The following GNB4 variants were observed in gnomAD, a reference collection of about 807,000 sequenced individuals.
The protein encoded by GNB4 is guanine nucleotide-binding protein subunit beta-4.
GNB4 carries 28 observed loss-of-function variants against 45.2 expected under a neutral mutation model. The ratio of observed to expected loss-of-function variants is 0.62; its 90% CI spans 0.46 to 0.85. GNB4 has a LOEUF of 0.85. Among genes scored for constraint, GNB4 ranks in the 40% least tolerant of loss-of-function variants. The pLI is 0.00. For synonymous variants in GNB4, 132 were observed against 143.7 expected (o/e 0.92, Z 0.58); for missense variants, 321 against 425.4 (o/e 0.75, Z 2.16).
At chr3:179,443,967 G>C (rs1490911089) in intron 1 of GNB4, among the ~76,000 whole-genome samples, 3 of 152,114 alleles carry the variant, frequency 2.0e-5, no homozygotes, top group Non-Finnish European at 4.4e-5. Context: ...TTCTACTGCT[G>C]ATTTTCCTAT....
chr3:179,520,806 C>A, the GNB4 span, among the ~76,000 whole-genome samples: 61 of 152,286 alleles, frequency 4.0e-4, no homozygotes, highest in Admixed American at 3.3e-3. Context: ...AAATTTCCTT[C>A]TTTCCTGTTC....
At chr3:179,426,585 T>A (rs932473363) in intron 1 of GNB4, among the ~76,000 whole-genome samples, 1 of 152,056 alleles carries the variant, frequency 6.6e-6, no homozygotes, top group African/African-American at 2.4e-5. Flanking sequence ...GATTGGCACC[T>A]AACACAGTAC....
At chr3:179,512,802 C>T in the GNB4 span, among the ~76,000 whole-genome samples, 821 of 152,124 alleles carry the variant, frequency 5.4e-3, 10 homozygotes, top group African/African-American at 0.019. Flanking sequence ...TGCATGTGTG[C>T]GTGCATGTAC....
At chr3:179,426,613 C>T (rs1447057952) in intron 1 of GNB4, among the ~76,000 whole-genome samples, 1 of 152,034 alleles carries the variant, frequency 6.6e-6, no homozygotes, top group African/African-American at 2.4e-5. Flanking sequence ...CTGAACCCCA[C>T]CCCACCCCCA....
the GNB4 span, among the ~76,000 whole-genome samples, chr3:179,513,142 A>AT: frequency 1.3e-5 from 2 of 149,766 alleles, no homozygotes; most frequent in Admixed American, 6.7e-5. Flanking sequence ...TATACTTAAA[A>AT]TTTTTTCAAT....
At chr3:179,418,694 G>C (rs1349737320) in intron 4 of GNB4, among the ~76,000 whole-genome samples, 1 of 152,126 alleles carries the variant, frequency 6.6e-6, no homozygotes, top group Admixed American at 6.5e-5. Flanking sequence ...TTAAAACATA[G>C]AAGTTTCTTG....
the GNB4 span, among the ~76,000 whole-genome samples, chr3:179,512,194 G>GAGGTTGCTGTTCTATC: frequency 6.6e-6 from 1 of 152,178 alleles, no homozygotes; most frequent in Non-Finnish European, 1.5e-5. Flanking sequence ...ACATCAAAGT[G>GAGGTTGCTGTTCTATC]AGGTTGCTGT....
chr3:179,409,899 C>G (rs1043151096), intron 8 of GNB4, among the ~76,000 whole-genome samples: 1 of 152,090 alleles, frequency 6.6e-6, no homozygotes, highest in Non-Finnish European at 1.5e-5. Flanking sequence ...GTTTCCCCAC[C>G]CAAATCTCAT....
chr3:179,407,107 A>G (rs543114578), intron 8 of GNB4, among the ~76,000 whole-genome samples: 1 of 152,326 alleles, frequency 6.6e-6, no homozygotes, highest in Non-Finnish European at 1.5e-5. Flanking sequence ...AAAATATATA[A>G]AACATGGTTC....
upstream of GNB4, among the ~76,000 whole-genome samples, chr3:179,455,553 G>T (rs958508598): frequency 6.6e-6 from 1 of 152,096 alleles, no homozygotes; most frequent in African/African-American, 2.4e-5. Flanking sequence ...AATCAATCGT[G>T]GACTCTTGCC....
At chr3:179,481,275 A>C in the GNB4 span, among the ~76,000 whole-genome samples, 1 of 152,312 alleles carries the variant, frequency 6.6e-6, no homozygotes, top group Middle Eastern at 3.4e-3. Context: ...AGTTTTTCAA[A>C]GACAGCCAAA....
At chr3:179,401,849 T>C (rs573015047) in intron 9 of GNB4, among the ~76,000 whole-genome samples, 1 of 152,354 alleles carries the variant, frequency 6.6e-6, no homozygotes, top group African/African-American at 2.4e-5. Flanking sequence ...TGGAATGTTA[T>C]TGGTTATAAC....
the GNB4 span, among the ~76,000 whole-genome samples, chr3:179,459,704 A>G: frequency 2.7e-4 from 41 of 152,000 alleles, no homozygotes; most frequent in African/African-American, 6.8e-4. Flanking sequence ...GAAAAAAAAA[A>G]GCAAGAAAAA....
At chr3:179,418,418 C>T (rs544462602) in intron 4 of GNB4, among the ~76,000 whole-genome samples, 11 of 139,502 alleles carry the variant, frequency 7.9e-5, no homozygotes, top group Admixed American at 4.9e-4. Context: ...TGCAGTGAGC[C>T]GATACCACAC....
chr3:179,479,272 T>G, the GNB4 span, among the ~76,000 whole-genome samples: 169 of 152,320 alleles, frequency 1.1e-3, no homozygotes, highest in African/African-American at 3.6e-3. Context: ...CTCTAACAAG[T>G]GATTCTATAC....
chr3:179,502,503 G>T, the GNB4 span, among the ~76,000 whole-genome samples: 1 of 152,030 alleles, frequency 6.6e-6, no homozygotes, highest in Admixed American at 6.5e-5. Flanking sequence ...AAAGTGTTGG[G>T]ATTACAGGCA....
intron 1 of GNB4, among the ~76,000 whole-genome samples, chr3:179,429,757 G>C (rs1166870619): frequency 1.3e-5 from 2 of 152,158 alleles, no homozygotes; most frequent in East Asian, 3.9e-4. Flanking sequence ...GTCAAACAAT[G>C]GGGCATATCA....
At position 179,416,502 on chromosome 3, in the gene GNB4, T is replaced by C; in HGVS notation, c.258A>G (p.Thr86=). The C allele has an allele frequency of 6.4e-7, 1 of 1,569,676 alleles. No individual in the cohort carries two copies. The highest frequency in any genetic ancestry group is 8.7e-7 in the Non-Finnish European group (1 of 1,145,682). The change falls in exon 5 of 10, where the codon ACA becomes ACG. Residue 86 remains threonine, a synonymous_variant. Coordinates refer to ENST00000232564, the MANE Select transcript of GNB4 (RefSeq NM_021629.4). ...TATGAAGAAATTCTACCTTATTTGT[T>C]GTATAGCTATCCCAAATAATTAATT... ...DGKLIIWDSY[T]TNKMHAIPLR...
At chr3:179,474,564 A>G in the GNB4 span, among the ~76,000 whole-genome samples, 1 of 151,942 alleles carries the variant, frequency 6.6e-6, no homozygotes, top group Non-Finnish European at 1.5e-5. Flanking sequence ...ACCTGATTTA[A>G]ATAGAGAAAA....
Sources: gnomAD v4.1 joint callset for allele counts (sites outside exome capture counted in the v4.1 genomes callset) on GRCh38, gnomAD v4.1.1 for gene constraint, MANE v1.5 for transcripts, NCBI Gene and HGNC (gene_info 2026-07-23, HGNC 2026-07-21) for gene names.